The following KLHDC8B variants were observed in gnomAD, a reference collection of about 807,000 sequenced individuals.
The protein encoded by KLHDC8B is kelch domain-containing protein 8B.
In KLHDC8B, 19 loss-of-function variants were observed where a neutral mutation model predicts 26.3. That is an observed-to-expected ratio of 0.72 (90% CI 0.50 to 1.06). The LOEUF (loss-of-function observed/expected upper bound fraction) is 1.06, where lower values mean the gene tolerates loss of function less well. Among genes scored for constraint, KLHDC8B ranks in the 50% least tolerant of loss-of-function variants. KLHDC8B has a pLI of 0.00. For missense variants in KLHDC8B, 411 were observed against 488.1 expected (o/e 0.84, Z 1.49); for synonymous variants, 150 against 188.4 (o/e 0.80, Z 1.67).
chr3:49,174,596 T>C, intron 3 of KLHDC8B, 146 bp from the exon 4 acceptor site: 2 of 1,266,844 alleles, frequency 1.6e-6, no homozygotes, highest in South Asian at 1.5e-5. Flanking sequence ...CCCCAGTACC[T>C]GAGGGACTGT....
rs1261930137 is a variant in KLHDC8B at position 49,175,995 on chromosome 3, C to T, written c.*194C>T. ...TTAGTGCAGGACACACATATGCTTA[C>T]ACCTACCTTTATCACCATTCGTTCA... On this transcript the variant is annotated 3_prime_UTR_variant, in exon 6 of 6. Transcript: ENST00000332780. The T allele has an allele frequency of 1.7e-5, 10 of 589,538 alleles. No homozygotes were observed. Among genetic ancestry groups the T allele is most frequent in the Non-Finnish European group, 3.0e-5 (10 of 331,568 alleles). The allele number at this position is 589,538 out of a possible 1,614,324, so 36.5% of individuals were successfully genotyped here.
In KLHDC8B at chr3:49,175,761, G is replaced by A. The variant is rs754967017; in HGVS notation, c.1025G>A (p.Ser342Asn). 2 of 1,613,952 alleles carry A rather than the reference G, an allele frequency of 1.2e-6. No homozygotes were observed. The highest frequency in any genetic ancestry group is 1.7e-6 in the Non-Finnish European group (2 of 1,180,014). Residue 342 changes from serine (S) to asparagine (N), a missense_variant, in exon 6 of 6, where the codon AGT becomes AAT. Coordinates refer to ENST00000332780, the MANE Select transcript of KLHDC8B (RefSeq NM_173546.3). Reference protein sequence around the residue: ...FVIGGVAQGPSQAVEALCLRD... With the variant: ...FVIGGVAQGPNQAVEALCLRD... ...ATTGGGGGTGTGGCCCAGGGCCCCA[G>A]TCAAGCCGTGGAGGCACTGTGTCTG...
Position 49,172,651 on chromosome 3 carries a change from C to T in KLHDC8B, c.-119C>T. ...TTTCCTCCAGGTGAAGGCAAGGTCCCTGGACTGGTCATATACCTCTTGTGG... is the reference window on the plus strand; with the variant it reads ...TTTCCTCCAGGTGAAGGCAAGGTCCTTGGACTGGTCATATACCTCTTGTGG... On this transcript the variant is annotated 5_prime_UTR_variant, in exon 2 of 6. Transcript: ENST00000332780. The T allele has an allele frequency of 1.9e-6, 2 of 1,032,948 alleles. No individual in the cohort carries two copies. The highest frequency in any genetic ancestry group is 2.8e-6 in the Non-Finnish European group (2 of 713,158). 64.0% of individuals were successfully genotyped at this position (1,032,948 alleles called of 1,614,324 possible).
At chr3:49,173,414 C>T (rs1368120218) in intron 2 of KLHDC8B, among the ~76,000 whole-genome samples, 2 of 152,114 alleles carry the variant, frequency 1.3e-5, no homozygotes, top group African/African-American at 4.8e-5. Context: ...CTCCTCATTT[C>T]TAAGAGATGG....
chr3:49,175,690 C>T lies in KLHDC8B; in HGVS notation c.954C>T (p.Ala318=). The change falls in exon 6 of 6, where the codon GCC becomes GCT. Residue 318 remains alanine (A), a synonymous_variant. Transcript: ENST00000332780. ...RWEALPAMPT[A]RCSCSSLQAG... is the part of the protein sequence containing the mutation. ...AGGCATTGCCTGCCATGCCCACTGC[C>T]CGCTGCTCCTGCTCTAGTCTGCAGG... 2 of 1,613,474 alleles carry T rather than the reference C, an allele frequency of 1.2e-6. No individual in the cohort carries two copies. The highest frequency in any genetic ancestry group is 1.7e-6 in the Non-Finnish European group (2 of 1,179,682).
Position 49,174,781 on chromosome 3 carries a change from C to G in KLHDC8B, c.581C>G (p.Ala194Gly), listed in dbSNP as rs892192879. The G allele has an allele frequency of 6.2e-7, 1 of 1,613,116 alleles. No individual in the cohort carries two copies. Among genetic ancestry groups the G allele is most frequent in the Non-Finnish European group, 8.5e-7 (1 of 1,179,522 alleles). ...QGKLPVTAFE[A>G]FDLEARTWTR... is the part of the protein sequence containing the mutation. Reference sequence around the variant, plus strand: ...AAGCTCCCGGTGACTGCTTTTGAAGCCTTTGATCTGGAGGCCCGTACATGG... The same window carrying G: ...AAGCTCCCGGTGACTGCTTTTGAAGGCTTTGATCTGGAGGCCCGTACATGG... The change falls in exon 4 of 6, where the codon GCC (alanine) becomes GGC (glycine). Residue 194 changes from alanine to glycine, a missense_variant. Physicochemically the swap from Ala to Gly is moderately conservative, Grantham distance 60. Transcript: ENST00000332780.
At chr3:49,171,714 GAA>G (rs1174546352) in intron 1 of KLHDC8B, 29 bp downstream of exon 1, 1 of 152,362 alleles carries the variant, frequency 6.6e-6, no homozygotes, top group Non-Finnish European at 1.5e-5. Context: ...GCGCTCAGGG[GAA>G]GTTTGGGGCG....
chr3:49,172,806 G>T lies in KLHDC8B; in HGVS notation c.37G>T (p.Val13Leu), dbSNP rs199565210. The stretch of plus-strand genomic sequence containing the variant: ...AGGTGGCCGGGCCTTTGCTTGGCAA[G>T]TGTTCCCCCCCATGCCCACTTGCCG... The part of the protein sequence containing the change: ...AGGGRAFAWQ[V>L]FPPMPTCRVY... Residue 13 changes from valine to leucine, a missense_variant, in exon 2 of 6, where the codon GTG becomes TTG. Val to Leu is a conservative substitution (Grantham distance 32, BLOSUM62 1). Coordinates refer to ENST00000332780, the MANE Select transcript of KLHDC8B (RefSeq NM_173546.3). 2 of 1,613,906 alleles carry T rather than the reference G, an allele frequency of 1.2e-6. No individual in the cohort carries two copies. Among genetic ancestry groups the T allele is most frequent in the Non-Finnish European group, 1.7e-6 (2 of 1,179,904 alleles).
At position 49,172,933 on chromosome 3, in the gene KLHDC8B, C is replaced by T. The variant is rs775044801; in HGVS notation, c.164C>T (p.Ala55Val). 5.6e-6 allele frequency: 9 copies of T among 1,614,076 alleles called. No individual in the cohort carries two copies. The highest frequency in any genetic ancestry group is 6.8e-6 in the Non-Finnish European group (8 of 1,180,018). Residue 55 changes from alanine (A) to valine (V), a missense_variant, in exon 2 of 6, where the codon GCC becomes GTC. By Grantham distance (64) the Ala-to-Val change is moderately conservative. Coordinates refer to ENST00000332780, the MANE Select transcript of KLHDC8B (RefSeq NM_173546.3). ...GACACTGCTGAGACACTGGACATGG[C>T]CTCGCACACATGGCTGGCACTGGCA... ...PLDTAETLDM[A>V]SHTWLALAPL...
At chr3:49,173,921 G>A (rs1280677839) in intron 2 of KLHDC8B, among the ~76,000 whole-genome samples, 2 of 152,038 alleles carry the variant, frequency 1.3e-5, no homozygotes, top group African/African-American at 2.4e-5. Context: ...CCCACCTTGT[G>A]GCCTCCAGGT....
At chr3:49,173,546 C>T (rs2045789847) in intron 2 of KLHDC8B, among the ~76,000 whole-genome samples, 1 of 152,182 alleles carries the variant, frequency 6.6e-6, no homozygotes, top group African/African-American at 2.4e-5. Flanking sequence ...TCCCACACGC[C>T]AGGGAGCCTG....
chr3:49,175,601 G>A lies in KLHDC8B; in HGVS notation c.869-4G>A, dbSNP rs371041902. 6.1e-5 allele frequency: 94 copies of A among 1,538,294 alleles called. 1 individual carries two copies. The African/African-American group carries it at 1.1e-3, about 18-fold the overall frequency. ...TCTCACAGCCTTCTCTCTCCTTCTT[G>A]CAGGAAACCAGCCATGTCCTTTGGG... On this transcript the variant is annotated splice_region_variant and splice_polypyrimidine_tract_variant and intron_variant, in intron 5 of 5. Transcript: ENST00000332780.
chr3:49,173,641 T>G (rs1278573576), intron 2 of KLHDC8B, among the ~76,000 whole-genome samples: 1 of 152,152 alleles, frequency 6.6e-6, no homozygotes, highest in Non-Finnish European at 1.5e-5. Context: ...CCCCCAGACA[T>G]GTCGTAGCTG....
At position 49,173,986 on chromosome 3, in the gene KLHDC8B, A is replaced by G. The variant is rs147518111; in HGVS notation, c.377-253A>G. ...GGATGCCAGACTCTGTTGCCATAGC[A>G]TCTCCAGGGAGACAGAGTCGGATTA... On this transcript the variant is annotated intron_variant, in intron 2 of 5. Coordinates refer to ENST00000332780, the MANE Select transcript of KLHDC8B (RefSeq NM_173546.3). Among the ~76,000 whole-genome samples the G allele has an allele frequency of 6.1e-3, 923 of 152,232 alleles. 10 individuals carry two copies. The highest frequency in any genetic ancestry group is 0.021 in the African/African-American group (861 of 41,536).
At chr3:49,173,361 C>T (rs1428470440) in intron 2 of KLHDC8B, among the ~76,000 whole-genome samples, 1 of 152,168 alleles carries the variant, frequency 6.6e-6, no homozygotes. Flanking sequence ...GAGCCCAAGC[C>T]GATCCCAGGA....
At chr3:49,175,566 G>A (rs1349184271) in intron 5 of KLHDC8B, 39 bp from the exon 6 acceptor site, 16 of 1,477,900 alleles carry the variant, frequency 1.1e-5, no homozygotes, top group African/African-American at 4.2e-5. Context: ...GAGTCCCTAC[G>A]GCCTGTGCCT....
chr3:49,174,532 T>C (rs2045802758), intron 3 of KLHDC8B, 129 bp downstream of exon 3: 1 of 1,216,234 alleles, frequency 8.2e-7, no homozygotes. Flanking sequence ...GGGTGATCCA[T>C]GCCTGCTCTG....
intron 5 of KLHDC8B, 97 bp from the exon 6 acceptor site, chr3:49,175,508 G>C: frequency 1.2e-6 from 1 of 854,864 alleles, no homozygotes; most frequent in African/African-American, 1.7e-5. Context: ...TCATCCTGGG[G>C]TGATAACTAC....
In KLHDC8B at chr3:49,176,000, A is replaced by G. The variant is rs2045825676; in HGVS notation, c.*199A>G. ...GCAGGACACACATATGCTTACACCT[A>G]CCTTTATCACCATTCGTTCATGAAT... On this transcript the variant is annotated 3_prime_UTR_variant, in exon 6 of 6. Coordinates refer to ENST00000332780, the MANE Select transcript of KLHDC8B (RefSeq NM_173546.3). 1.7e-6 allele frequency: 1 copy of G among 580,392 alleles called. No individual in the cohort carries two copies. Among genetic ancestry groups the G allele is most frequent in the South Asian group, 2.1e-5 (1 of 46,796 alleles). The allele number at this position is 580,392 out of a possible 1,614,324, so 36.0% of individuals were successfully genotyped here.
Sources: gnomAD v4.1 joint callset for allele counts (sites outside exome capture counted in the v4.1 genomes callset) on GRCh38, gnomAD v4.1.1 for gene constraint, MANE v1.5 for transcripts, NCBI Gene and HGNC (gene_info 2026-07-23, HGNC 2026-07-21) for gene names.